HLA-DPA1: variants seen among roughly 807,000 people sequenced by gnomAD.
HLA-DPA1 encodes the protein HLA class II histocompatibility antigen, DP alpha 1 chain.
Under a neutral mutation model 21.5 loss-of-function variants are expected in HLA-DPA1, and 20 were observed. That is an observed-to-expected ratio of 0.93 (90% CI 0.66 to 1.35). The LOEUF is 1.35. Ranked by LOEUF, HLA-DPA1 falls within the 40% of genes most tolerant of loss-of-function variation. HLA-DPA1 has a pLI of 0.00. For missense variants in HLA-DPA1, 279 were observed against 323.0 expected (o/e 0.86, Z 1.05); for synonymous variants, 123 against 129.6 (o/e 0.95, Z 0.35).
rs947853551 is a variant in HLA-DPA1 at position 33,076,260 on chromosome 6, T to A, written c.-99-2591A>T. 6 of 665,942 alleles carry A rather than the reference T, an allele frequency of 9.0e-6. 1 individual carries two copies. The highest frequency in any genetic ancestry group is 1.6e-5 in the Non-Finnish European group (6 of 381,618). The allele number at this position is 665,942 out of a possible 1,614,324, so 41.3% of individuals were successfully genotyped here. The stretch of plus-strand genomic sequence containing the variant: ...CGGGGGCTCCTGCCCTAAGGCAGTG[T>A]CCTCTCTTCCCAGCTAGAGAAAGAG... On this transcript the variant is annotated intron_variant, in intron 1 of 5. Coordinates refer to ENST00000419277, the Ensembl canonical transcript of HLA-DPA1.
At chr6:33,077,210 A>G (rs6415133) in intron 1 of HLA-DPA1, among the ~76,000 whole-genome samples, 85,964 of 151,440 alleles carry the variant, frequency 0.57, 26,377 homozygotes, top group East Asian at 0.88. Context: ...GTGAATGATG[A>G]TTTCCAGCTT....
At chr6:33,069,834 C>T (rs1062481) in exon 3 of HLA-DPA1, 85,298 of 1,601,138 alleles carry the variant, frequency 0.053, 8,925 homozygotes, top group East Asian at 0.51. Context: ...ACATAAACTC[C>T]CCTGTTGGTC....
intron 5 of HLA-DPA1, chr6:33,066,999 A>G (rs759643533): frequency 2.6e-5 from 4 of 152,218 alleles, no homozygotes; most frequent in Non-Finnish European, 5.9e-5. Context: ...TGATGAGAAG[A>G]TGAGCAGTGT....
At chr6:33,078,977 C>A (rs1010559263) in intron 1 of HLA-DPA1, among the ~76,000 whole-genome samples, 3 of 151,998 alleles carry the variant, frequency 2.0e-5, no homozygotes, top group Non-Finnish European at 4.4e-5. Context: ...GGGTCTGGGG[C>A]CCAAGGCACC....
chr6:33,078,491 C>T (rs932565894), intron 1 of HLA-DPA1, among the ~76,000 whole-genome samples: 1 of 152,074 alleles, frequency 6.6e-6, no homozygotes, highest in African/African-American at 2.4e-5. Flanking sequence ...CTGAGACAAC[C>T]CATAGGGAGC....
chr6:33,080,683 T>C lies in HLA-DPA1; in HGVS notation c.-103A>G, dbSNP rs12722013. The C allele has an allele frequency of 0.057, 92,569 of 1,611,016 alleles. 3,455 individuals carry two copies. The highest frequency in any genetic ancestry group is 0.13 in the South Asian group (11,737 of 90,938). ...CCCCCTCCCCGCAGAGAATTACCTT[T>C]TCCAGGGACGGCAGGAATGCTACGC... On this transcript the variant is annotated 5_prime_UTR_variant, in exon 1 of 6. Transcript: ENST00000419277. This position sits in a 1 kb window ranked among gnomAD's most constrained non-coding sequence, Gnocchi z 4.3.
chr6:33,065,471 G>A (rs1262860793), intron 5 of HLA-DPA1, 124 bp from the exon 5 acceptor site: 1 of 152,340 alleles, frequency 6.6e-6, no homozygotes, highest in African/African-American at 2.4e-5. Context: ...CCAGGGAGAA[G>A]GTGGTCATCC....
rs1762781830 is a variant in HLA-DPA1 at position 33,080,543 on chromosome 6, A to G, written c.-100+137T>C. On this transcript the variant is annotated intron_variant, in intron 1 of 5. Transcript: ENST00000419277. This position sits in a 1 kb window ranked among gnomAD's most constrained non-coding sequence, Gnocchi z 4.3. ...TAGGACCACAGAACTCGGTACTAGG[A>G]AAACTCCTATTTTAAAATCCAGCCC... 3 of 1,388,832 alleles carry G rather than the reference A, an allele frequency of 2.2e-6. No individual in the cohort carries two copies. In the East Asian group the frequency reaches 7.3e-5, roughly 34 times the overall value. The allele number at this position is 1,388,832 out of a possible 1,614,324, so 86.0% of individuals were successfully genotyped here. A position where few individuals can be genotyped will look rare whatever the true frequency, so the allele number is the denominator to read the frequency against.
chr6:33,072,005 G>T (rs1190838552), intron 2 of HLA-DPA1, among the ~76,000 whole-genome samples: 1 of 152,164 alleles, frequency 6.6e-6, no homozygotes, highest in Non-Finnish European at 1.5e-5. Context: ...TTTCCAGGAA[G>T]AGTGCCAAAA....
chr6:33,069,894 AAGAC>A lies in HLA-DPA1; in HGVS notation c.101-12_101-9del. On this transcript the variant is annotated splice_polypyrimidine_tract_variant and intron_variant, in intron 2 of 5. Coordinates refer to ENST00000419277, the Ensembl canonical transcript of HLA-DPA1. ...AAGTTGACACATGGTCCGCTGCATA[AAGAC>A]AGTAGAGAAAAACACGACAAAATGT... The A allele has an allele frequency of 6.2e-7, 1 of 1,605,030 alleles. No individual in the cohort carries two copies. The highest frequency in any genetic ancestry group is 8.5e-7 in the Non-Finnish European group (1 of 1,175,184).
intron 2 of HLA-DPA1, 168 bp downstream of exon 1, chr6:33,073,303 T>C (rs1762372041): frequency 3.6e-6 from 2 of 563,286 alleles, no homozygotes; most frequent in South Asian, 5.1e-5. Context: ...AGGAGTCTCA[T>C]AAATTCTGGC....
intron 1 of HLA-DPA1, chr6:33,075,898 C>G: frequency 6.3e-6 from 4 of 630,542 alleles, no homozygotes; most frequent in Non-Finnish European, 5.6e-6. Flanking sequence ...TCCATTGGTT[C>G]TTTTCTCAGA....
At chr6:33,076,797 A>C (rs1762561867) in intron 1 of HLA-DPA1, among the ~76,000 whole-genome samples, 1 of 152,152 alleles carries the variant, frequency 6.6e-6, no homozygotes, top group Non-Finnish European at 1.5e-5. Flanking sequence ...GTAGGTTATC[A>C]GACAGCCAAG....
Position 33,072,745 on chromosome 6 carries a change from G to A in HLA-DPA1, c.100+726C>T, listed in dbSNP as rs116866245. ...TCCCTGATTTCAGCTACAGGAAAAA[G>A]GAGCATTCACTACGGTCCATCTCTG... On this transcript the variant is annotated intron_variant, in intron 2 of 5. Transcript: ENST00000419277. 3.6e-3 allele frequency among the ~76,000 whole-genome samples: 542 copies of A among 152,286 alleles called. 3 individuals are homozygous for A. Among genetic ancestry groups the A allele is most frequent in the East Asian group, 0.026 (133 of 5,190 alleles).
intron 5 of HLA-DPA1, 26 bp downstream of exon 4, chr6:33,068,612 C>T (rs1402062227): frequency 1.4e-5 from 22 of 1,547,918 alleles, no homozygotes; most frequent in Non-Finnish European, 1.8e-5. Flanking sequence ...TCTACAAATC[C>T]TAGGGCCTCC....
chr6:33,068,850 G>A, intron 4 of HLA-DPA1, 46 bp from the exon 4 acceptor site: 1 of 1,596,514 alleles, frequency 6.3e-7, no homozygotes, highest in East Asian at 2.2e-5. Flanking sequence ...CAGTGAGGGT[G>A]GTGATGGCCT....
intron 5 of HLA-DPA1, chr6:33,066,596 C>A (rs1199532096): frequency 6.6e-6 from 1 of 152,150 alleles, no homozygotes; most frequent in Non-Finnish European, 1.5e-5. Context: ...TTAAGGATTT[C>A]TCTTCAATAA....
At chr6:33,069,178 C>T (rs1042211) in exon 4 of HLA-DPA1, 2 of 1,612,916 alleles carry the variant, frequency 1.2e-6, no homozygotes, top group Non-Finnish European at 1.7e-6. Context: ...GTGACCAGCT[C>T]CCCGTTGCAC....
chr6:33,078,143 A>G (rs982464676), intron 1 of HLA-DPA1, among the ~76,000 whole-genome samples: 4 of 152,108 alleles, frequency 2.6e-5, no homozygotes, highest in Non-Finnish European at 5.9e-5. Flanking sequence ...GTGGGGGAGC[A>G]GAGAGCAGAA....
Sources: gnomAD v4.1 joint callset for allele counts (sites outside exome capture counted in the v4.1 genomes callset) on GRCh38, gnomAD v4.1.1 for gene constraint, Gnocchi (gnomAD v3.1) non-coding constraint, MANE v1.5 for transcripts, NCBI Gene and HGNC (gene_info 2026-07-23, HGNC 2026-07-21) for gene names.